The following PSEN2 variants were observed in gnomAD, a reference collection of about 807,000 sequenced individuals.
The protein encoded by PSEN2 is presenilin 2.
Under a neutral mutation model 49.1 loss-of-function variants are expected in PSEN2, and 32 were observed. That is an observed-to-expected ratio of 0.65 (90% confidence interval 0.49 to 0.88). PSEN2 has a LOEUF of 0.88. Ranked by LOEUF, PSEN2 falls within the 40% of genes least tolerant of loss-of-function variation. The pLI is 0.00. For synonymous variants in PSEN2, 255 were observed against 244.0 expected, an observed-to-expected ratio of 1.05 and a Z score of -0.42; for missense variants, 522 against 586.9, an observed-to-expected ratio of 0.89 and a Z score of 1.14.
At position 226,885,595 on chromosome 1, in the gene PSEN2, C is replaced by T. The variant is rs747738607; in HGVS notation, c.414C>T (p.Ser138=). Residue 138 remains serine (S), a synonymous_variant, in exon 6 of 13, where the codon TCC becomes TCT. Transcript: ENST00000366783. ...CGGTGGGCCAGCGCCTCCTCAACTCCGTGCTGAACACCCTCATCATGATCA... is the reference window on the plus strand; with the variant it reads ...CGGTGGGCCAGCGCCTCCTCAACTCTGTGCTGAACACCCTCATCATGATCA... ...TPSVGQRLLN[S]VLNTLIMISV... is the part of the protein sequence containing the mutation. The T allele has an allele frequency of 1.1e-5, 18 of 1,613,910 alleles. No individual in the cohort carries two copies. The highest frequency in any genetic ancestry group is 1.3e-5 in the Non-Finnish European group (15 of 1,180,006).
intron 5 of PSEN2, among the ~76,000 whole-genome samples, chr1:226,884,937 G>A (rs543213706): frequency 4.6e-5 from 7 of 152,228 alleles, no homozygotes; most frequent in Admixed American, 6.5e-5. Context: ...AATTAAAAAA[G>A]AAGTAGAGTC....
intron 3 of PSEN2, among the ~76,000 whole-genome samples, chr1:226,878,223 G>T (rs1042964331): frequency 6.6e-6 from 1 of 152,070 alleles, no homozygotes; most frequent in African/African-American, 2.4e-5. Context: ...GGGATTACAG[G>T]TGCCTGCCAC....
At chr1:226,902,816 G>A (rs1161263736) in intron 12 of PSEN2, among the ~76,000 whole-genome samples, 1 of 152,112 alleles carries the variant, frequency 6.6e-6, no homozygotes, top group African/African-American at 2.4e-5. Context: ...GCCAGCAAGG[G>A]CCTACAGCTG....
At chr1:226,880,439 G>A (rs1660901017) in intron 3 of PSEN2, 1 of 1,292,290 alleles carries the variant, frequency 7.7e-7, no homozygotes, top group Non-Finnish European at 1.0e-6. Context: ...CGAACTTTCA[G>A]CAGAGCGCAC....
At chr1:226,888,272 C>T in intron 7 of PSEN2, 114 bp downstream of exon 7, 2 of 994,710 alleles carry the variant, frequency 2.0e-6, no homozygotes, top group South Asian at 1.3e-5. Flanking sequence ...CAGTCTTCCC[C>T]AGTGCCAGCC....
intron 6 of PSEN2, 39 bp downstream of exon 6, chr1:226,885,718 C>A (rs200617488): frequency 1.5e-4 from 234 of 1,600,932 alleles, no homozygotes; most frequent in Non-Finnish European, 1.7e-4. Context: ...CGCTTCTCTC[C>A]GTCTGCCCCA....
downstream of PSEN2, among the ~76,000 whole-genome samples, chr1:226,901,051 A>G (rs1195839321): frequency 1.3e-5 from 2 of 152,316 alleles, no homozygotes; most frequent in African/African-American, 4.8e-5. Context: ...GGTTTGTAGA[A>G]TAGGTGCTCT....
Position 226,894,061 on chromosome 1 carries a change from A to G in PSEN2, c.1127A>G (p.Lys376Arg). The G allele has an allele frequency of 3.1e-6, 5 of 1,614,214 alleles. No individual in the cohort carries two copies. The highest frequency in any genetic ancestry group is 4.2e-6 in the Non-Finnish European group (5 of 1,180,028). The stretch of plus-strand genomic sequence containing the variant: ...ATCTTCTACAGTGTGCTGGTGGGCA[A>G]GGCGGCTGCCACGGGCAGCGGGGAC... Reference protein sequence around the residue: ...DFIFYSVLVGKAAATGSGDWN... With the variant: ...DFIFYSVLVGRAAATGSGDWN... The change falls in exon 12 of 13, where the codon AAG (lysine) becomes AGG (arginine). Residue 376 changes from lysine (K) to arginine (R), a missense_variant. By Grantham distance (26) the Lys-to-Arg change is conservative (BLOSUM62 2). Coordinates refer to ENST00000366783, the MANE Select transcript of PSEN2 (RefSeq NM_000447.3).
intron 4 of PSEN2, among the ~76,000 whole-genome samples, chr1:226,882,424 A>G (rs190032978): frequency 3.3e-5 from 5 of 152,336 alleles, no homozygotes; most frequent in Non-Finnish European, 5.9e-5. Context: ...GCAGATGGCC[A>G]GACATGGTAA....
chr1:226,892,909 C>T (rs1481688321), intron 11 of PSEN2, among the ~76,000 whole-genome samples: 1 of 152,192 alleles, frequency 6.6e-6, no homozygotes, highest in Non-Finnish European at 1.5e-5. Flanking sequence ...GAAAGCACTA[C>T]ACTTAAAATT....
In PSEN2 at chr1:226,894,097, C is replaced by T. The variant is rs143549266; in HGVS notation, c.1163C>T (p.Thr388Met). 8.7e-5 allele frequency: 140 copies of T among 1,614,172 alleles called. No individual in the cohort carries two copies. The highest frequency in any genetic ancestry group is 5.8e-5 in the Non-Finnish European group (69 of 1,180,018). The stretch of plus-strand genomic sequence containing the variant: ...ACGGGCAGCGGGGACTGGAATACCA[C>T]GCTGGCCTGCTTCGTGGCCATCCTC... ...AATGSGDWNTTLACFVAILIG... is the reference protein window; with the variant it reads ...AATGSGDWNTMLACFVAILIG... Residue 388 changes from threonine to methionine, a missense_variant, in exon 12 of 13, where the codon ACG becomes ATG. Physicochemically the swap from Thr to Met is moderately conservative, Grantham distance 81 (BLOSUM62 -1). Transcript: ENST00000366783.
chr1:226,878,718 G>A (rs965001938), intron 3 of PSEN2, among the ~76,000 whole-genome samples: 2 of 152,202 alleles, frequency 1.3e-5, no homozygotes, highest in African/African-American at 4.8e-5. Flanking sequence ...GGGAAGAACA[G>A]AGGGAGGAGA....
intron 12 of PSEN2, among the ~76,000 whole-genome samples, chr1:226,894,499 A>G (rs927735234): frequency 5.3e-5 from 8 of 152,336 alleles, no homozygotes; most frequent in African/African-American, 1.7e-4. Context: ...GGCCTTGCCC[A>G]TGGGCGCAAA....
At chr1:226,893,575 G>T (rs918602635) in intron 11 of PSEN2, among the ~76,000 whole-genome samples, 2 of 152,178 alleles carry the variant, frequency 1.3e-5, no homozygotes, top group Non-Finnish European at 2.9e-5. Context: ...AAGGTGAAAG[G>T]TTCTTCAGAG....
At chr1:226,878,790 A>C (rs1448754374) in intron 3 of PSEN2, among the ~76,000 whole-genome samples, 2 of 152,210 alleles carry the variant, frequency 1.3e-5, no homozygotes, top group East Asian at 3.8e-4. Context: ...AGGAGGTATT[A>C]AAAGAGCCAC....
downstream of PSEN2, among the ~76,000 whole-genome samples, chr1:226,899,788 A>T (rs1274998352): frequency 1.3e-5 from 2 of 150,628 alleles, no homozygotes; most frequent in East Asian, 1.9e-4. Context: ...CTTTCACCTC[A>T]TGACCTAGGC....
chr1:226,875,631 A>T (rs1244202436), intron 3 of PSEN2, 81 bp downstream of exon 3: 1 of 152,138 alleles, frequency 6.6e-6, no homozygotes, highest in East Asian at 1.9e-4. Flanking sequence ...TTTCCATGGG[A>T]GTTTGCTGTG....
At position 226,888,955 on chromosome 1, in the gene PSEN2, C is replaced by T; in HGVS notation, c.693C>T (p.Tyr231=). Residue 231 remains tyrosine, a synonymous_variant, in exon 8 of 13, where the codon TAC becomes TAT. Coordinates refer to ENST00000366783, the MANE Select transcript of PSEN2 (RefSeq NM_000447.3). ...GCCCTCTGGTGCTGCAGCAGGCCTA[C>T]CTCATCATGATCAGTGCGCTCATGG... ...WKGPLVLQQA[Y]LIMISALMAL... The T allele has an allele frequency of 6.2e-7, 1 of 1,614,158 alleles. No individual in the cohort carries two copies.
intron 11 of PSEN2, among the ~76,000 whole-genome samples, chr1:226,892,364 C>T (rs1034191203): frequency 5.3e-5 from 8 of 152,106 alleles, no homozygotes; most frequent in African/African-American, 1.7e-4. Context: ...GAAGCCGGGG[C>T]GGGATGCAGA....
Sources: gnomAD v4.1 joint callset for allele counts (sites outside exome capture counted in the v4.1 genomes callset) on GRCh38, gnomAD v4.1.1 for gene constraint, MANE v1.5 for transcripts, NCBI Gene and HGNC (gene_info 2026-07-23, HGNC 2026-07-21) for gene names.